TBP: variants seen among roughly 807,000 people sequenced by gnomAD.
TBP encodes TATA-box-binding protein.
In TBP, 12 loss-of-function variants were observed where a neutral mutation model predicts 46.2. The observed-to-expected ratio is 0.26, with a 90% confidence interval of 0.17 to 0.42. TBP has a LOEUF of 0.42. Ranked by LOEUF, TBP falls within the 10% of genes least tolerant of loss-of-function variation. TBP has a pLI of 1.00. For missense variants in TBP, 229 were observed against 403.1 expected, an observed-to-expected ratio of 0.57 and a Z score of 3.70; for synonymous variants, 157 against 148.3, an observed-to-expected ratio of 1.06 and a Z score of -0.42.
intron 4 of TBP, 22 bp downstream of exon 4, chr6:170,564,654 T>C: frequency 6.5e-7 from 1 of 1,542,550 alleles, no homozygotes; most frequent in South Asian, 1.2e-5. Context: ...TTTAATGTAT[T>C]TCTTTTTTTT....
At chr6:170,570,981 T>C (rs1779356601) in intron 6 of TBP, among the ~76,000 whole-genome samples, 2 of 152,194 alleles carry the variant, frequency 1.3e-5, no homozygotes, top group South Asian at 2.1e-4. Context: ...AGGTAAGATA[T>C]GATTAAAAGT....
At chr6:170,562,781 T>G (rs1779173976) in intron 3 of TBP, among the ~76,000 whole-genome samples, 1 of 152,188 alleles carries the variant, frequency 6.6e-6, no homozygotes, top group Non-Finnish European at 1.5e-5. Context: ...AGGAAATAAT[T>G]TCATCTTCCT....
chr6:170,568,541 G>A (rs373279065), intron 5 of TBP, among the ~76,000 whole-genome samples: 5 of 151,640 alleles, frequency 3.3e-5, no homozygotes, highest in Non-Finnish European at 4.4e-5. Context: ...TGCAAGCTCC[G>A]CCTCCTGGGT....
chr6:170,562,298 G>C (rs2114995050), intron 3 of TBP, 65 bp downstream of exon 3: 1 of 1,486,558 alleles, frequency 6.7e-7, no homozygotes, highest in Non-Finnish European at 9.2e-7. Flanking sequence ...TTCCTGCTCT[G>C]TTTTCAGATG....
intron 7 of TBP, among the ~76,000 whole-genome samples, chr6:170,571,798 C>T (rs1779370436): frequency 6.6e-6 from 1 of 151,890 alleles, no homozygotes; most frequent in Non-Finnish European, 1.5e-5. Flanking sequence ...GATTCCTCAG[C>T]AATATGATTA....
chr6:170,555,331 C>T (rs1778997493), intron 1 of TBP, among the ~76,000 whole-genome samples: 2 of 152,220 alleles, frequency 1.3e-5, no homozygotes, highest in Admixed American at 1.3e-4. Context: ...TTACTCCTCT[C>T]AAATTCATCT....
At chr6:170,569,811 G>A in intron 6 of TBP, 32 bp downstream of exon 6, 1 of 1,583,794 alleles carries the variant, frequency 6.3e-7, no homozygotes. Context: ...ATTGTTATTG[G>A]CAACAGTTCA....
At chr6:170,566,318 G>A (rs1264173756) in intron 4 of TBP, among the ~76,000 whole-genome samples, 1 of 152,032 alleles carries the variant, frequency 6.6e-6, no homozygotes, top group Non-Finnish European at 1.5e-5. Flanking sequence ...TTTTCTGAAA[G>A]AATTAACATG....
At chr6:170,564,772 G>GTGCTGGGATTA in intron 4 of TBP, 140 bp downstream of exon 4, 1 of 399,176 alleles carries the variant, frequency 2.5e-6, no homozygotes, top group Non-Finnish European at 4.3e-6. Context: ...TGTAATCCCA[G>GTGCTGGGATTA]CACTTTGGGA....
chr6:170,571,128 T>C (rs1376206991), intron 6 of TBP, among the ~76,000 whole-genome samples: 1 of 152,216 alleles, frequency 6.6e-6, no homozygotes, highest in Non-Finnish European at 1.5e-5. Context: ...CAGACATAAC[T>C]ACAGGGCTCT....
Position 170,572,258 on chromosome 6 carries a change from C to A in TBP, c.1013C>A (p.Thr338Lys). Residue 338 changes from threonine (T) to lysine (K), a missense_variant, in exon 8 of 8, where the codon ACG (threonine) becomes AAG (lysine). Physicochemically the swap from Thr to Lys is moderately conservative, Grantham distance 78. This residue lies in a region of TBP where 44 missense variants were observed against 54.1 expected (regional missense o/e 0.81). Transcript: ENST00000392092. ...CCTATTCTAAAGGGATTCAGGAAGACGACGTAATGGCTCTCATGTACCCTT... is the reference window on the plus strand; with the variant it reads ...CCTATTCTAAAGGGATTCAGGAAGAAGACGTAATGGCTCTCATGTACCCTT... The part of the protein sequence containing the change: ...IYPILKGFRK[T>K]T 1 of 1,612,440 alleles carries A rather than the reference C, an allele frequency of 6.2e-7. No homozygotes were observed. Among genetic ancestry groups the A allele is most frequent in the Non-Finnish European group, 8.5e-7 (1 of 1,178,944 alleles).
rs146398449 is a variant in TBP, at chr6:170,571,551, A to G, written c.940+47A>G. The G allele has an allele frequency of 1.2e-4, 173 of 1,433,166 alleles. 2 individuals are homozygous for G. The African/African-American group carries it at 2.2e-3, about 18-fold the overall frequency. The allele number at this position is 1,433,166 out of a possible 1,614,324, so 88.8% of individuals were successfully genotyped here. On this transcript the variant is annotated intron_variant, in intron 7 of 7. Coordinates refer to ENST00000392092, the MANE Select transcript of TBP (RefSeq NM_003194.5). ...TATCTGAAAGTTTGTAAGTGTTTTG[A>G]GTATGGCATTTTCTCAGTGCTGAAA... is the stretch of plus-strand genomic sequence containing the variant.
At chr6:170,561,745 C>T in intron 2 of TBP, 46 bp from the exon 3 acceptor site, 1 of 1,582,988 alleles carries the variant, frequency 6.3e-7, no homozygotes, top group Non-Finnish European at 8.6e-7. Flanking sequence ...TCCACAAACA[C>T]TTAGCAGCAG....
intron 7 of TBP, among the ~76,000 whole-genome samples, chr6:170,571,736 C>A (rs1364571824): frequency 6.6e-6 from 1 of 152,058 alleles, no homozygotes; most frequent in Non-Finnish European, 1.5e-5. Flanking sequence ...GTGAGCATTG[C>A]ATTGAACAAA....
intron 3 of TBP, among the ~76,000 whole-genome samples, chr6:170,563,918 A>C (rs997581394): frequency 6.6e-6 from 1 of 152,204 alleles, no homozygotes; most frequent in African/African-American, 2.4e-5. Flanking sequence ...TCCTTGTATA[A>C]GTTATTCGTT....
At chr6:170,561,085 C>G (rs774502012) in intron 2 of TBP, among the ~76,000 whole-genome samples, 17 of 151,838 alleles carry the variant, frequency 1.1e-4, no homozygotes, top group Middle Eastern at 3.4e-3. Flanking sequence ...CCACCCTGAT[C>G]AGTCAGCAGC....
intron 3 of TBP, 110 bp from the exon 4 acceptor site, chr6:170,564,430 TAAAAA>T (rs1779205761): frequency 3.2e-6 from 2 of 632,214 alleles, no homozygotes; most frequent in South Asian, 2.0e-5. Flanking sequence ...TGTGAGCAAT[TAAAAA>T]AAAGTAAAGC....
chr6:170,556,356 TTG>T (rs1259631120), intron 1 of TBP, among the ~76,000 whole-genome samples: 1 of 112,386 alleles, frequency 8.9e-6, no homozygotes, highest in Non-Finnish European at 1.8e-5. Flanking sequence ...GGCTTTATCT[TTG>T]TGCGGCTTTT....
In TBP at chr6:170,572,443, T is replaced by C. The variant is rs952796030; in HGVS notation, c.*178T>C. ...ACCGCGGGATGCCGGGAAGGGGCATTATTTGTGCACTGAGAACACCGCGCA... is the reference window on the plus strand; with the variant it reads ...ACCGCGGGATGCCGGGAAGGGGCATCATTTGTGCACTGAGAACACCGCGCA... On this transcript the variant is annotated 3_prime_UTR_variant, in exon 8 of 8. Transcript: ENST00000392092. 2 of 618,752 alleles carry C rather than the reference T, an allele frequency of 3.2e-6. No homozygotes were observed. The highest frequency in any genetic ancestry group is 5.8e-5 in the Admixed American group (2 of 34,464). 38.3% of individuals were successfully genotyped at this position (618,752 alleles called of 1,614,324 possible).
Sources: allele counts gnomAD v4.1 joint callset (sites outside exome capture counted in the v4.1 genomes callset), GRCh38; gene constraint gnomAD v4.1.1; regional missense constraint gnomAD v4.1.1; transcripts MANE v1.5; gene names NCBI Gene and HGNC (gene_info 2026-07-23, HGNC 2026-07-21).